Variants in CCDC33 observed in about 807,000 individuals in gnomAD.
The protein encoded by CCDC33 is coiled-coil domain containing 33, also known as coiled-coil domain-containing protein 33.
A neutral mutation model predicts 91.9 loss-of-function variants in CCDC33; 94 were observed. The ratio of observed to expected loss-of-function variants is 1.02; its 90% CI spans 0.87 to 1.21. The LOEUF is 1.21. Ranked by LOEUF, CCDC33 falls within the 50% of genes most tolerant of loss-of-function variation. The pLI is 0.00. For missense variants in CCDC33, 940 were observed against 935.5 expected, an observed-to-expected ratio of 1.00 and a Z score of -0.06; for synonymous variants, 396 against 374.5, an observed-to-expected ratio of 1.06 and a Z score of -0.66.
chr15:74,309,927 C>T (rs773871528), intron 11 of CCDC33, among the ~76,000 whole-genome samples: 3 of 152,010 alleles, frequency 2.0e-5, no homozygotes, highest in Non-Finnish European at 4.4e-5. Context: ...GCAGGAGGAT[C>T]ACTTGAGACC....
upstream of CCDC33, among the ~76,000 whole-genome samples, chr15:74,215,659 C>T (rs150831538): frequency 9.0e-3 from 1,367 of 151,936 alleles, 7 homozygotes; most frequent in Middle Eastern, 0.024. Context: ...GGTGGAGGAT[C>T]CTAAAACCTT....
chr15:74,317,284 C>T (rs112584185), intron 11 of CCDC33, among the ~76,000 whole-genome samples: 38 of 152,280 alleles, frequency 2.5e-4, no homozygotes, highest in African/African-American at 9.1e-4. Context: ...TGGCATGAAC[C>T]CGGGAGGCGG....
In CCDC33 at chr15:74,281,858, G is replaced by A. The variant is rs761967074; in HGVS notation, c.1095+9G>A. 5 of 1,612,838 alleles carry A rather than the reference G, an allele frequency of 3.1e-6. No individual in the cohort carries two copies. The South Asian group carries it at 5.5e-5, about 18-fold the overall frequency. The stretch of plus-strand genomic sequence containing the variant: ...AGCTGCTTTCCTCTGAGGTAAGGCT[G>A]TGGGCCAGGGGAGGGTCAGGGCCAG... On this transcript the variant is annotated intron_variant, in intron 10 of 18. Transcript: ENST00000398814.
At chr15:74,282,645 C>G (rs977909669) in intron 10 of CCDC33, among the ~76,000 whole-genome samples, 1 of 152,196 alleles carries the variant, frequency 6.6e-6, no homozygotes, top group African/African-American at 2.4e-5. Context: ...GATCAGTCAT[C>G]ATATTCACGG....
At chr15:74,214,263 A>G (rs1013002619), upstream of CCDC33, among the ~76,000 whole-genome samples, 3 of 152,060 alleles carry the variant, frequency 2.0e-5, no homozygotes, top group Admixed American at 2.0e-4. Flanking sequence ...TGGGGGAAGA[A>G]AGAAGACTGG....
intron 11 of CCDC33, among the ~76,000 whole-genome samples, chr15:74,297,873 A>C (rs1232294321): frequency 6.6e-6 from 1 of 152,100 alleles, no homozygotes; most frequent in Non-Finnish European, 1.5e-5. Context: ...CAACCAGCCA[A>C]CCCTCTGCCC....
upstream of CCDC33, among the ~76,000 whole-genome samples, chr15:74,215,576 C>CA (rs916906830): frequency 6.6e-6 from 1 of 150,654 alleles, no homozygotes; most frequent in African/African-American, 2.4e-5. Context: ...ACACACACAC[C>CA]AAAAAAAAGT....
In CCDC33 at chr15:74,207,664, T is replaced by A. The variant is rs575199166; in HGVS notation, n.90-1724T>A. The A allele has an allele frequency of 5.2e-6, 8 of 1,527,646 alleles. No individual in the cohort carries two copies. The Admixed American group carries it at 1.6e-4, about 30-fold the overall frequency. The allele number at this position is 1,527,646 out of a possible 1,614,324, so 94.6% of individuals were successfully genotyped here. A position where few individuals can be genotyped will look rare whatever the true frequency, so the allele number is the denominator to read the frequency against. On this transcript the variant is annotated intron_variant and non_coding_transcript_variant, in intron 1 of 3. Coordinates refer to the CCDC33 transcript ENST00000558645. The stretch of plus-strand genomic sequence containing the variant: ...CGGAAGAGAACACGCAAGAGAGGCG[T>A]TCCAGGAGTGGGGGGATGGCCACTG...
intron 8 of CCDC33, 127 bp from the exon 9 acceptor site, chr15:74,280,541 T>C: frequency 3.9e-6 from 4 of 1,033,916 alleles, no homozygotes; most frequent in South Asian, 2.2e-5. Flanking sequence ...AGAGGATGTA[T>C]GTGCAGGGAA....
Position 74,266,036 on chromosome 15 carries a change from T to TTATACCA in CCDC33, c.320-641_320-635dup, listed in dbSNP as rs148474828. On this transcript the variant is annotated intron_variant, in intron 3 of 18. Coordinates refer to ENST00000398814, the MANE Select transcript of CCDC33 (RefSeq NM_025055.5). ...GAGACGCTGTCTCAAAAGAAAAAGTTTATACCAATATTCATGCCATTTTAT... is the reference window on the plus strand; with the variant it reads ...GAGACGCTGTCTCAAAAGAAAAAGTTTATACCATATACCAATATTCATGCCATTTTAT... Among the ~76,000 whole-genome samples, 869 of 152,314 alleles carry TTATACCA rather than the reference T, an allele frequency of 5.7e-3. 8 individuals carry two copies. The highest frequency in any genetic ancestry group is 0.02 in the African/African-American group (814 of 41,570).
chr15:74,219,392 G>A (rs1361732252), intron 2 of CCDC33, among the ~76,000 whole-genome samples: 2 of 152,242 alleles, frequency 1.3e-5, no homozygotes, highest in Admixed American at 1.3e-4. Flanking sequence ...GATAGAAGCT[G>A]GTAGAGCAAG....
intron 10 of CCDC33, among the ~76,000 whole-genome samples, chr15:74,294,160 G>A (rs910246926): frequency 6.6e-6 from 1 of 152,220 alleles, no homozygotes; most frequent in African/African-American, 2.4e-5. Context: ...GAGCGCATCT[G>A]TACTGGTTGG....
chr15:74,221,858 C>G (rs1024538378), intron 2 of CCDC33, among the ~76,000 whole-genome samples: 5 of 152,166 alleles, frequency 3.3e-5, no homozygotes, highest in Non-Finnish European at 5.9e-5. Flanking sequence ...CGTCCCACCC[C>G]CTCAGCGCTG....
chr15:74,319,912 C>CAGGAAGGGAAAGAAAGAACAGA (rs1318026647), intron 11 of CCDC33, among the ~76,000 whole-genome samples: 9 of 152,180 alleles, frequency 5.9e-5, no homozygotes, highest in African/African-American at 2.2e-4. Flanking sequence ...TCTGCTGCAG[C>CAGGAAGGGAAAGAAAGAACAGA]AGGAAGGGAA....
intron 11 of CCDC33, among the ~76,000 whole-genome samples, chr15:74,322,852 G>A (rs1269398145): frequency 6.6e-6 from 1 of 152,168 alleles, no homozygotes; most frequent in African/African-American, 2.4e-5. Flanking sequence ...GAGATTGGGT[G>A]GCCGCCCAAG....
In CCDC33 at chr15:74,316,054, A is replaced by G. The variant is rs1372951363; in HGVS notation, c.1291-14135A>G. ...CAAAGAGCCCTGCCCTAGTCTTCAC[A>G]TAGTAATTGTCTTGTGTGTCTCACC... On this transcript the variant is annotated intron_variant, in intron 11 of 18. Transcript: ENST00000398814. This position sits in a 1 kb window ranked among gnomAD's most constrained non-coding sequence, Gnocchi z 4.7. Among the ~76,000 whole-genome samples, 2 of 151,854 alleles carry G rather than the reference A, an allele frequency of 1.3e-5. No homozygotes were observed. Among genetic ancestry groups the G allele is most frequent in the African/African-American group, 4.8e-5 (2 of 41,412 alleles).
intron 11 of CCDC33, chr15:74,300,873 A>G (rs2059782474): frequency 6.6e-6 from 1 of 152,312 alleles, no homozygotes; most frequent in African/African-American, 2.4e-5. Context: ...ACTGCAACCC[A>G]ACCATTTCTT....
At chr15:74,307,014 T>C (rs351182) in intron 11 of CCDC33, among the ~76,000 whole-genome samples, 152,258 of 152,272 alleles carry the variant, frequency 1, 76,122 homozygotes, top group Middle Eastern at 1. Context: ...CAGGCAGAGG[T>C]GGGACAGCCT....
rs143243260 is a variant in CCDC33, at chr15:74,316,008, G to A, written c.1291-14181G>A. The stretch of plus-strand genomic sequence containing the variant: ...GCCCTGTTTCCTGGGACCCCCTGAA[G>A]GAGGACATCCCTTAGCTCCACAAAG... On this transcript the variant is annotated intron_variant, in intron 11 of 18. Transcript: ENST00000398814. This position sits in a 1 kb window ranked among gnomAD's most constrained non-coding sequence, Gnocchi z 4.7. Among the ~76,000 whole-genome samples, 531 of 152,278 alleles carry A rather than the reference G, an allele frequency of 3.5e-3. 7 individuals are homozygous for A. Among genetic ancestry groups the A allele is most frequent in the East Asian group, 0.025 (132 of 5,184 alleles).
Sources: allele counts gnomAD v4.1 joint callset (sites outside exome capture counted in the v4.1 genomes callset), GRCh38; gene constraint gnomAD v4.1.1; non-coding constraint Gnocchi (gnomAD v3.1); transcripts MANE v1.5; gene names NCBI Gene and HGNC (gene_info 2026-07-23, HGNC 2026-07-21).